Variants in RAD51B observed in about 807,000 individuals in gnomAD.
The protein encoded by RAD51B is RAD51 paralog B, also known as DNA repair protein RAD51 homolog 2.
A neutral mutation model predicts 42.2 loss-of-function variants in RAD51B; 38 were observed. The ratio of observed to expected loss-of-function variants is 0.90; its 90% CI spans 0.70 to 1.18. The LOEUF (loss-of-function observed/expected upper bound fraction) is 1.18, where lower values mean the gene tolerates loss of function less well. Among genes scored for constraint, RAD51B ranks in the 50% most tolerant of loss-of-function variants. The pLI is 0.00. For missense variants in RAD51B, 373 were observed against 400.7 expected, an observed-to-expected ratio of 0.93 and a Z score of 0.59; for synonymous variants, 154 against 145.2, an observed-to-expected ratio of 1.06 and a Z score of -0.43.
downstream of RAD51B, among the ~76,000 whole-genome samples, chr14:68,613,660 T>TA (rs1891761489): frequency 6.6e-6 from 1 of 151,952 alleles, no homozygotes; most frequent in Non-Finnish European, 1.5e-5. Flanking sequence ...TTCACCGTGT[T>TA]AGCCAGGATG....
At chr14:68,540,207 A>G (rs1887887541) in intron 10 of RAD51B, 4 of 690,678 alleles carry the variant, frequency 5.8e-6, no homozygotes, top group African/African-American at 1.9e-5. Flanking sequence ...CAGGATCTAG[A>G]GAATTCAAAT....
intron 7 of RAD51B, chr14:67,887,449 G>A (rs1162188212): frequency 4.6e-5 from 15 of 326,332 alleles, no homozygotes; most frequent in Non-Finnish European, 7.8e-5. Context: ...GTTTTTAAAA[G>A]TTCCTATAGT....
At chr14:67,923,323 G>T (rs1389216676) in intron 7 of RAD51B, among the ~76,000 whole-genome samples, 2 of 135,394 alleles carry the variant, frequency 1.5e-5, no homozygotes, top group African/African-American at 6.1e-5. Context: ...TTTTGAGATG[G>T]AGTTTCACTC....
At chr14:68,269,281 A>G (rs1333201886) in intron 7 of RAD51B, among the ~76,000 whole-genome samples, 3 of 152,232 alleles carry the variant, frequency 2.0e-5, no homozygotes, top group African/African-American at 7.2e-5. Flanking sequence ...CAGAGCCACC[A>G]GTGGTCTCCC....
At chr14:68,045,143 G>A (rs2076278741) in intron 7 of RAD51B, among the ~76,000 whole-genome samples, 1 of 149,038 alleles carries the variant, frequency 6.7e-6, no homozygotes, top group Non-Finnish European at 1.5e-5. Flanking sequence ...GGCTGAGGCA[G>A]GAGTATTGCT....
chr14:67,902,432 G>A (rs972914642), intron 7 of RAD51B, among the ~76,000 whole-genome samples: 1 of 152,170 alleles, frequency 6.6e-6, no homozygotes, highest in East Asian at 1.9e-4. Flanking sequence ...TTAGTTATTT[G>A]AACAATGAAT....
chr14:68,389,752 T>C (rs1274725007), intron 8 of RAD51B, among the ~76,000 whole-genome samples: 1 of 152,228 alleles, frequency 6.6e-6, no homozygotes, highest in African/African-American at 2.4e-5. Flanking sequence ...TAAGTATTTA[T>C]ATTAATCATT....
chr14:68,406,199 A>G (rs949811714), intron 8 of RAD51B, among the ~76,000 whole-genome samples: 6 of 152,202 alleles, frequency 3.9e-5, no homozygotes, highest in African/African-American at 1.2e-4. Context: ...TCTTTATAAT[A>G]TACAGTCATA....
chr14:68,496,625 G>A (rs1394720801), intron 10 of RAD51B, among the ~76,000 whole-genome samples: 1 of 152,244 alleles, frequency 6.6e-6, no homozygotes, highest in Non-Finnish European at 1.5e-5. Context: ...AGCAAGGCAG[G>A]GATGGGGTCT....
At position 68,091,409 on chromosome 14, in the gene RAD51B, T is replaced by C. The variant is rs145585699; in HGVS notation, c.757-200475T>C. On this transcript the variant is annotated intron_variant, in intron 7 of 10. Transcript: ENST00000471583. ...GATCGCCATACTAACTGGTGTGAGA[T>C]GGTATCTCATTGTGGTTTTGATTTG... is the stretch of plus-strand genomic sequence containing the variant. Among the ~76,000 whole-genome samples the C allele has an allele frequency of 1.7e-3, 262 of 152,350 alleles. 3 individuals carry two copies. The highest frequency in any genetic ancestry group is 0.014 in the East Asian group (72 of 5,190).
chr14:68,055,892 T>TTC (rs1217419439), intron 7 of RAD51B, among the ~76,000 whole-genome samples: 1 of 152,144 alleles, frequency 6.6e-6, no homozygotes, highest in Non-Finnish European at 1.5e-5. Flanking sequence ...CCAACTCCAA[T>TTC]TCAATATGGA....
chr14:68,036,412 C>T (rs922440319), intron 7 of RAD51B, among the ~76,000 whole-genome samples: 4 of 152,162 alleles, frequency 2.6e-5, no homozygotes, highest in Non-Finnish European at 5.9e-5. Context: ...TATGTGCTCC[C>T]GTCAGAGTTT....
chr14:68,477,519 T>C (rs2140253456), intron 10 of RAD51B, 129 bp from the exon 11 acceptor site: 1 of 1,142,466 alleles, frequency 8.8e-7, no homozygotes, highest in Non-Finnish European at 1.2e-6. Context: ...CCAGTGGCTC[T>C]GTGGGCAATA....
chr14:68,432,669 G>C (rs1566880879), intron 9 of RAD51B, among the ~76,000 whole-genome samples: 1 of 152,102 alleles, frequency 6.6e-6, no homozygotes, highest in Non-Finnish European at 1.5e-5. Flanking sequence ...TGGGTCTTCT[G>C]AATACAGCAC....
intron 8 of RAD51B, among the ~76,000 whole-genome samples, chr14:68,331,394 G>A (rs541762199): frequency 2.4e-3 from 162 of 66,498 alleles, no homozygotes; most frequent in South Asian, 6.2e-3. Context: ...AAGCAATGGT[G>A]TTGGCATTAT....
rs371692246 is a variant in RAD51B at position 68,639,899 on chromosome 14, CCTGAGTAGCTGGGATTACAGGCCTG to C, written c.1037-10859_1037-10835del. ...CCATCTCCTGGGTTCACACAATTCT[CCTGAGTAGCTGGGATTACAGGCCTG>C]CTGAGTAGCTGGGATTACAGGCGTG... On this transcript the variant is annotated intron_variant, in intron 10 of 11. Coordinates refer to the RAD51B transcript ENST00000488612. Among the ~76,000 whole-genome samples the C allele has an allele frequency of 1.4e-3, 215 of 152,190 alleles. 1 individual carries two copies. The highest frequency in any genetic ancestry group is 4.6e-3 in the African/African-American group (192 of 41,538).
At chr14:67,976,483 T>A (rs2074997442) in intron 7 of RAD51B, among the ~76,000 whole-genome samples, 1 of 151,696 alleles carries the variant, frequency 6.6e-6, no homozygotes, top group Non-Finnish European at 1.5e-5. Context: ...TATTATACTT[T>A]AAGTTTTAGG....
intron 7 of RAD51B, among the ~76,000 whole-genome samples, chr14:68,258,546 G>A (rs1294312134): frequency 3.3e-5 from 5 of 151,938 alleles, no homozygotes; most frequent in Admixed American, 2.6e-4. Context: ...TAGTGTAACC[G>A]TGGAACATTG....
chr14:68,484,733 G>C (rs186216630), intron 10 of RAD51B, among the ~76,000 whole-genome samples: 2 of 148,672 alleles, frequency 1.3e-5, no homozygotes, highest in East Asian at 3.9e-4. Context: ...TAAGGATATA[G>C]GTGGTGCAGA....
Sources: gnomAD v4.1 joint callset for allele counts (sites outside exome capture counted in the v4.1 genomes callset) on GRCh38, gnomAD v4.1.1 for gene constraint, MANE v1.5 for transcripts, NCBI Gene and HGNC (gene_info 2026-07-23, HGNC 2026-07-21) for gene names.